Variants in PTPRN2 observed in about 807,000 individuals in gnomAD.
The protein encoded by PTPRN2 is protein tyrosine phosphatase receptor type N2, also known as receptor-type tyrosine-protein phosphatase N2.
Under a neutral mutation model 118.8 loss-of-function variants are expected in PTPRN2, and 74 were observed. The observed-to-expected ratio is 0.62, with a 90% confidence interval of 0.52 to 0.76. The LOEUF (loss-of-function observed/expected upper bound fraction) is 0.76, where lower values mean the gene tolerates loss of function less well. Ranked by LOEUF, PTPRN2 falls within the 30% of genes least tolerant of loss-of-function variation. The pLI is 0.00. For missense variants in PTPRN2, 1,481 were observed against 1,394.4 expected, an observed-to-expected ratio of 1.06 and a Z score of -0.99; for synonymous variants, 641 against 608.0, an observed-to-expected ratio of 1.05 and a Z score of -0.80.
intron 2 of PTPRN2, among the ~76,000 whole-genome samples, chr7:158,341,242 T>C (rs1224075087): frequency 7.9e-6 from 1 of 125,890 alleles, no homozygotes; most frequent in Admixed American, 7.9e-5. Flanking sequence ...TCACCATAAT[T>C]GGTGACACCT....
At position 157,550,417 on chromosome 7, in the gene PTPRN2, T is replaced by G. The variant is rs62475358; in HGVS notation, c.2903-1398A>C. ...CACACGTTGGAACCAAATGTCATGT[T>G]TGCATGAAGGGAGAACAAAGCAGGT... On this transcript the variant is annotated intron_variant, in intron 21 of 22. Transcript: ENST00000389418. The surrounding 1 kb of genome is among the most constrained non-coding windows in gnomAD (Gnocchi z 5.2). 0.038 allele frequency among the ~76,000 whole-genome samples: 5,840 copies of G among 152,268 alleles called. 210 individuals carry two copies. Among genetic ancestry groups the G allele is most frequent in the East Asian group, 0.2 (1,014 of 5,166 alleles).
intron 14 of PTPRN2, among the ~76,000 whole-genome samples, chr7:157,642,712 A>G (rs935897054): frequency 6.7e-6 from 1 of 149,626 alleles, no homozygotes; most frequent in African/African-American, 2.5e-5. Context: ...ATGTTTGGTT[A>G]CCCAATTTAA....
At chr7:158,393,143 A>T (rs1812070372) in intron 2 of PTPRN2, among the ~76,000 whole-genome samples, 1 of 152,108 alleles carries the variant, frequency 6.6e-6, no homozygotes, top group Non-Finnish European at 1.5e-5. Context: ...ACTGGGCAGG[A>T]AGAAAACGGG....
intron 11 of PTPRN2, among the ~76,000 whole-genome samples, chr7:158,070,275 A>C (rs966832877): frequency 3.8e-4 from 53 of 139,942 alleles, no homozygotes; most frequent in African/African-American, 1.6e-3. Context: ...GGAGGTGCTC[A>C]TGGTGGAGGT....
intron 2 of PTPRN2, among the ~76,000 whole-genome samples, chr7:158,487,618 G>A (rs911124921): frequency 6.6e-6 from 1 of 152,204 alleles, no homozygotes; most frequent in African/African-American, 2.4e-5. Flanking sequence ...GAGTGAGCCA[G>A]AGGGAGAGAA....
At chr7:157,771,229 C>T (rs1405541876) in intron 12 of PTPRN2, among the ~76,000 whole-genome samples, 1 of 152,352 alleles carries the variant, frequency 6.6e-6, no homozygotes, top group Non-Finnish European at 1.5e-5. Flanking sequence ...CCCTCCAGCC[C>T]CCTTGGACCA....
intron 12 of PTPRN2, among the ~76,000 whole-genome samples, chr7:157,827,676 C>T (rs751091039): frequency 2.8e-4 from 43 of 152,210 alleles, no homozygotes; most frequent in Non-Finnish European, 3.5e-4. Flanking sequence ...TGCAGATGTT[C>T]CTTGAGCGAG....
At chr7:158,439,819 C>T (rs182211812) in intron 2 of PTPRN2, among the ~76,000 whole-genome samples, 82 of 152,224 alleles carry the variant, frequency 5.4e-4, no homozygotes, top group Admixed American at 2.4e-3. Flanking sequence ...GGGTGCACCT[C>T]GTAGTGCCCA....
rs374937433 is a variant in PTPRN2 at position 157,747,179 on chromosome 7, T to C, written c.1789-64242A>G. Among the ~76,000 whole-genome samples the C allele has an allele frequency of 4.5e-3, 479 of 107,344 alleles. 16 individuals are homozygous for C. Among genetic ancestry groups the C allele is most frequent in the Admixed American group, 0.013 (116 of 8,974 alleles). The allele number at this position is 107,344 out of a possible 152,430, so 70.4% of individuals were successfully genotyped here. A position where few individuals can be genotyped will look rare whatever the true frequency, so the allele number is the denominator to read the frequency against. Reference sequence around the variant, plus strand: ...TTCTGAGGCCTGCGTCCCTGAGCTGTGGGGTGTGCGGGTGATTCTGAGGCC... The same window carrying C: ...TTCTGAGGCCTGCGTCCCTGAGCTGCGGGGTGTGCGGGTGATTCTGAGGCC... On this transcript the variant is annotated intron_variant, in intron 12 of 22. Transcript: ENST00000389418.
intron 6 of PTPRN2, among the ~76,000 whole-genome samples, chr7:158,151,514 T>TGTCTCTCCCTGCC (rs1563522262): frequency 6.8e-6 from 1 of 146,076 alleles, no homozygotes; most frequent in African/African-American, 2.5e-5. Context: ...TTTCTGCTCC[T>TGTCTCTCCCTGCC]CACCGCACGT....
At position 158,340,899 on chromosome 7, in the gene PTPRN2, C is replaced by A. The variant is rs1274075578; in HGVS notation, c.164-23967G>T. Among the ~76,000 whole-genome samples the A allele has an allele frequency of 1.4e-4, 13 of 90,838 alleles. 1 individual carries two copies. The highest frequency in any genetic ancestry group is 3.6e-4 in the African/African-American group (9 of 25,216). 59.6% of individuals were successfully genotyped at this position (90,838 alleles called of 152,430 possible). A position where few individuals can be genotyped will look rare whatever the true frequency, so the allele number is the denominator to read the frequency against. ...CACACTCTCACCATAAGAGCTGACA[C>A]CCGAAGTCAGTCACACCCACACACG... On this transcript the variant is annotated intron_variant, in intron 2 of 22. Transcript: ENST00000389418.
intron 11 of PTPRN2, among the ~76,000 whole-genome samples, chr7:157,978,520 C>A (rs187717326): frequency 6.6e-6 from 1 of 152,104 alleles, no homozygotes; most frequent in East Asian, 1.9e-4. Flanking sequence ...TCCATTCATT[C>A]ACACCTAAAG....
At chr7:158,535,794 T>G (rs1250505492) in intron 1 of PTPRN2, among the ~76,000 whole-genome samples, 1 of 151,692 alleles carries the variant, frequency 6.6e-6, no homozygotes, top group African/African-American at 2.4e-5. Flanking sequence ...GGAAACACAG[T>G]AAATCTTAAT....
intron 13 of PTPRN2, among the ~76,000 whole-genome samples, chr7:157,678,579 T>C (rs934916990): frequency 6.6e-6 from 1 of 152,102 alleles, no homozygotes. Flanking sequence ...ATCGCAGCAA[T>C]TGCCACCACA....
At chr7:157,973,213 C>A (rs545297270) in intron 11 of PTPRN2, among the ~76,000 whole-genome samples, 1 of 152,216 alleles carries the variant, frequency 6.6e-6, no homozygotes, top group Non-Finnish European at 1.5e-5. Context: ...AGGGATGAAG[C>A]AGCTTTGCTG....
At chr7:157,843,060 A>T (rs1390244814) in intron 12 of PTPRN2, among the ~76,000 whole-genome samples, 2 of 152,196 alleles carry the variant, frequency 1.3e-5, no homozygotes, top group Non-Finnish European at 1.5e-5. Context: ...CTGTAAAATT[A>T]AATGTCACTC....
chr7:158,292,245 C>A (rs1196796207), intron 3 of PTPRN2, among the ~76,000 whole-genome samples: 1 of 152,182 alleles, frequency 6.6e-6, no homozygotes, highest in Non-Finnish European at 1.5e-5. Context: ...TCTTCCTTGT[C>A]TGAAATGAAG....
intron 10 of PTPRN2, among the ~76,000 whole-genome samples, chr7:158,104,947 C>G (rs1380816420): frequency 6.7e-6 from 1 of 150,232 alleles, no homozygotes; most frequent in Non-Finnish European, 1.5e-5. Context: ...TCCATCCCAG[C>G]TCCACCCTTA....
chr7:158,036,911 A>G (rs941337351), intron 11 of PTPRN2, among the ~76,000 whole-genome samples: 4 of 152,222 alleles, frequency 2.6e-5, no homozygotes, highest in African/African-American at 9.6e-5. Flanking sequence ...ACTCAATGCA[A>G]TGACAAATGT....
Sources: allele counts gnomAD v4.1 joint callset (sites outside exome capture counted in the v4.1 genomes callset), GRCh38; gene constraint gnomAD v4.1.1; non-coding constraint Gnocchi (gnomAD v3.1); transcripts MANE v1.5; gene names NCBI Gene and HGNC (gene_info 2026-07-23, HGNC 2026-07-21).